The following OPCML variants were observed in gnomAD, a reference collection of about 807,000 sequenced individuals.
The protein encoded by OPCML is opioid binding protein/cell adhesion molecule like.
Under a neutral mutation model 37.8 loss-of-function variants are expected in OPCML, and 13 were observed. The observed-to-expected ratio is 0.34, with a 90% CI of 0.22 to 0.55. The LOEUF (loss-of-function observed/expected upper bound fraction) is 0.55. Ranked by LOEUF, OPCML falls within the 20% of genes least tolerant of loss-of-function variation. The probability of loss-of-function intolerance (pLI) is 0.91; values close to 1 mark genes in which losing one functional copy is unlikely to be tolerated. For synonymous variants in OPCML, 176 were observed against 168.8 expected, an observed-to-expected ratio of 1.04 and a Z score of -0.33; for missense variants, 341 against 435.6, an observed-to-expected ratio of 0.78 and a Z score of 1.93.
chr11:132,583,563 G>A (rs1380961594), intron 3 of OPCML, among the ~76,000 whole-genome samples: 2 of 152,134 alleles, frequency 1.3e-5, no homozygotes, highest in African/African-American at 4.8e-5. Flanking sequence ...GCTTCTCAAA[G>A]TGCTGGGATT....
intron 2 of OPCML, among the ~76,000 whole-genome samples, chr11:132,677,784 A>G (rs2135840252): frequency 6.6e-6 from 1 of 152,332 alleles, no homozygotes; most frequent in South Asian, 2.1e-4. Context: ...CAGATAAAAC[A>G]AAAAATTCTA....
chr11:132,579,948 A>G (rs1180675157), intron 3 of OPCML, among the ~76,000 whole-genome samples: 2 of 152,212 alleles, frequency 1.3e-5, no homozygotes, highest in African/African-American at 4.8e-5. Context: ...GCTGAAGTAT[A>G]GAGCTTTACG....
intron 1 of OPCML, among the ~76,000 whole-genome samples, chr11:133,475,364 C>A (rs1947218464): frequency 6.6e-6 from 1 of 151,996 alleles, no homozygotes; most frequent in African/African-American, 2.4e-5. Context: ...TCACTCATTT[C>A]TCCTCCTCTC....
In OPCML at chr11:132,765,378, C is replaced by G. The variant is rs568243495; in HGVS notation, c.147-108059G>C. ...AAACATTCCCTAAAGGAGAAGTTCT[C>G]CCAGGAACTTTGGAAATTTAATGCG... On this transcript the variant is annotated intron_variant, in intron 2 of 7. Transcript: ENST00000524381. Among the ~76,000 whole-genome samples, 5 of 152,190 alleles carry G rather than the reference C, an allele frequency of 3.3e-5. No individual in the cohort carries two copies. In the South Asian group the frequency reaches 1.0e-3, roughly 32 times the overall value.
intron 4 of OPCML, among the ~76,000 whole-genome samples, chr11:132,460,081 G>A (rs141033439): frequency 6.6e-6 from 1 of 152,294 alleles, no homozygotes; most frequent in East Asian, 1.9e-4. Context: ...TTTTCCTTGG[G>A]AAAACATTGT....
In OPCML at chr11:133,524,992, G is replaced by A. The variant is rs115501734; in HGVS notation, c.61+7272C>T. On this transcript the variant is annotated intron_variant, in intron 1 of 7. Coordinates refer to ENST00000524381, the MANE Select transcript of OPCML (RefSeq NM_001012393.5). ...CATTTGTTCAACAAATACTGTTTGA[G>A]CACTTGCTCTCTCCCACCCGTGCTA... Among the ~76,000 whole-genome samples the A allele has an allele frequency of 7.0e-3, 1,064 of 152,306 alleles. 16 individuals are homozygous for A. The highest frequency in any genetic ancestry group is 0.024 in the African/African-American group (998 of 41,568).
chr11:132,570,793 ATATATATATT>A (rs1442432039), intron 3 of OPCML, among the ~76,000 whole-genome samples: 57 of 124,932 alleles, frequency 4.6e-4, no homozygotes, highest in African/African-American at 7.4e-4. Context: ...ATATATATAT[ATATATATATT>A]TAGAGAGAGA....
chr11:133,495,233 A>T (rs1158841254), intron 1 of OPCML, among the ~76,000 whole-genome samples: 1 of 152,188 alleles, frequency 6.6e-6, no homozygotes, highest in Admixed American at 6.6e-5. Context: ...AATGCCATTA[A>T]TTCATTCCTT....
chr11:133,507,204 C>G (rs114128686), intron 1 of OPCML, among the ~76,000 whole-genome samples: 1,673 of 152,282 alleles, frequency 0.011, 40 homozygotes, highest in African/African-American at 0.038. Context: ...AGGGCCCCAG[C>G]AAAGCCTGAT....
intron 1 of OPCML, among the ~76,000 whole-genome samples, chr11:133,501,186 G>A (rs781613355): frequency 2.4e-4 from 36 of 152,196 alleles, no homozygotes; most frequent in Non-Finnish European, 4.1e-4. Context: ...ACACACAAGC[G>A]CCAGATTCAC....
intron 1 of OPCML, among the ~76,000 whole-genome samples, chr11:133,010,749 C>T (rs777162248): frequency 3.2e-4 from 49 of 152,156 alleles, no homozygotes; most frequent in Middle Eastern, 3.4e-3. Flanking sequence ...AAGCAGGATG[C>T]AAGAATATCT....
intron 2 of OPCML, among the ~76,000 whole-genome samples, chr11:132,887,965 G>A (rs1943488358): frequency 6.6e-6 from 1 of 152,200 alleles, no homozygotes; most frequent in South Asian, 2.1e-4. Flanking sequence ...TGACTGTCTA[G>A]ATTTTGTTGC....
intron 1 of OPCML, among the ~76,000 whole-genome samples, chr11:133,241,223 G>A (rs969850467): frequency 1.3e-5 from 2 of 152,136 alleles, no homozygotes; most frequent in Non-Finnish European, 2.9e-5. Flanking sequence ...TTCCTCCATC[G>A]TTAACACTCG....
chr11:132,540,251 T>C lies in OPCML; in HGVS notation c.380-11065A>G, dbSNP rs2096352821. On this transcript the variant is annotated intron_variant, in intron 3 of 7. Transcript: ENST00000524381. ...CACAGCACTTTTCACACTGTTCTAT[T>C]GTTTTCTATGTCTCTCTCACTCACT... 2.0e-5 allele frequency among the ~76,000 whole-genome samples: 3 copies of C among 152,242 alleles called. No homozygotes were observed. The South Asian group carries it at 6.2e-4, about 32-fold the overall frequency.
intron 1 of OPCML, chr11:133,421,426 T>C (rs1945884512): frequency 1.0e-6 from 1 of 985,336 alleles, no homozygotes; most frequent in South Asian, 4.7e-5. Context: ...TGTATGTTTC[T>C]CACTAGTTGC....
intron 1 of OPCML, among the ~76,000 whole-genome samples, chr11:133,143,407 G>T (rs1397285378): frequency 1.3e-5 from 2 of 152,170 alleles, no homozygotes; most frequent in African/African-American, 4.8e-5. Context: ...TGACCAACAT[G>T]ACCTAGAAAC....
intron 3 of OPCML, among the ~76,000 whole-genome samples, chr11:132,542,369 G>C (rs1485521136): frequency 6.6e-6 from 1 of 152,074 alleles, no homozygotes; most frequent in Admixed American, 6.6e-5. Flanking sequence ...AACTACTTTT[G>C]CATGTCCATC....
intron 1 of OPCML, among the ~76,000 whole-genome samples, chr11:133,350,864 A>T (rs1565586701): frequency 6.6e-6 from 1 of 152,184 alleles, no homozygotes; most frequent in Non-Finnish European, 1.5e-5. Flanking sequence ...ATCAATGCAC[A>T]CAGCACTATC....
At chr11:133,035,648 T>G (rs528751534) in intron 1 of OPCML, among the ~76,000 whole-genome samples, 1 of 152,272 alleles carries the variant, frequency 6.6e-6, no homozygotes, top group Non-Finnish European at 1.5e-5. Context: ...CCCCAAAAAA[T>G]GTACATGTCA....
Sources: gnomAD v4.1 joint callset for allele counts (sites outside exome capture counted in the v4.1 genomes callset) on GRCh38, gnomAD v4.1.1 for gene constraint, MANE v1.5 for transcripts, NCBI Gene and HGNC (gene_info 2026-07-23, HGNC 2026-07-21) for gene names.